Variants in GALNT16 observed in about 807,000 individuals in gnomAD.
The protein encoded by GALNT16 is UDP-GalNAc:polypeptide N-acetylgalactosaminyltransferase-like protein 1.
GALNT16 carries 40 observed loss-of-function variants against 76.1 expected under a neutral mutation model. That is an observed-to-expected ratio of 0.53 (90% confidence interval 0.41 to 0.68). The LOEUF is 0.68. Ranked by LOEUF, GALNT16 falls within the 30% of genes least tolerant of loss-of-function variation. The pLI is 0.00. For synonymous variants in GALNT16, 276 were observed against 285.2 expected, an observed-to-expected ratio of 0.97 and a Z score of 0.32; for missense variants, 621 against 731.9, an observed-to-expected ratio of 0.85 and a Z score of 1.75.
chr14:69,286,938 C>T (rs767873915), intron 1 of GALNT16, among the ~76,000 whole-genome samples: 1 of 152,186 alleles, frequency 6.6e-6, no homozygotes, highest in African/African-American at 2.4e-5. Flanking sequence ...GGCATCTCCA[C>T]ACAATTTGCC....
intron 2 of GALNT16, among the ~76,000 whole-genome samples, chr14:69,324,337 C>A (rs545993118): frequency 6.6e-6 from 1 of 152,076 alleles, no homozygotes; most frequent in African/African-American, 2.4e-5. Flanking sequence ...GCACATACCC[C>A]CCACCATACG....
chr14:69,335,971 G>A (rs537523698), intron 9 of GALNT16, among the ~76,000 whole-genome samples: 3 of 152,204 alleles, frequency 2.0e-5, no homozygotes, highest in Admixed American at 1.3e-4. Context: ...TCAAAACCTT[G>A]CAAGAGTTCT....
rs79506805 is a variant in GALNT16 at position 69,308,437 on chromosome 14, A to T, written c.178-12274A>T. Among the ~76,000 whole-genome samples, 32 of 152,298 alleles carry T rather than the reference A, an allele frequency of 2.1e-4. No homozygotes were observed. The East Asian group carries it at 5.8e-3, about 28-fold the overall frequency. Reference sequence around the variant, plus strand: ...GGTATACCTATGCATTTACACATGCATATGTTTATAAACTATTTATATAAA... The same window carrying T: ...GGTATACCTATGCATTTACACATGCTTATGTTTATAAACTATTTATATAAA... On this transcript the variant is annotated intron_variant, in intron 1 of 14. Coordinates refer to ENST00000448469, the MANE Select transcript of GALNT16 (RefSeq NM_001168368.2).
intron 1 of GALNT16, among the ~76,000 whole-genome samples, chr14:69,277,273 G>A (rs2044483824): frequency 6.6e-6 from 1 of 152,190 alleles, no homozygotes. Context: ...TGCACAACGT[G>A]CAGGCTCGTC....
chr14:69,340,092 G>A (rs777616533), intron 11 of GALNT16, among the ~76,000 whole-genome samples: 6 of 152,148 alleles, frequency 3.9e-5, no homozygotes, highest in African/African-American at 7.2e-5. Context: ...AGAGAGAGAA[G>A]TAGAACCCTA....
rs546536073 is a variant in GALNT16 at position 69,271,574 on chromosome 14, A to C, written c.177+11107A>C. Reference sequence around the variant, plus strand: ...GGGTCCAGACTGTGCTCACCAGTGCAGTGGTTGCCGGCCACAGGTGGCCAC... The same window carrying C: ...GGGTCCAGACTGTGCTCACCAGTGCCGTGGTTGCCGGCCACAGGTGGCCAC... On this transcript the variant is annotated intron_variant, in intron 1 of 14. Coordinates refer to ENST00000448469, the MANE Select transcript of GALNT16 (RefSeq NM_001168368.2). 2.6e-5 allele frequency among the ~76,000 whole-genome samples: 4 copies of C among 152,366 alleles called. No individual in the cohort carries two copies. The East Asian group carries it at 7.7e-4, about 29-fold the overall frequency.
At chr14:69,335,621 C>T (rs1041821667) in intron 9 of GALNT16, among the ~76,000 whole-genome samples, 7 of 152,144 alleles carry the variant, frequency 4.6e-5, no homozygotes, top group African/African-American at 9.7e-5. Flanking sequence ...GGTTGGAGAA[C>T]TTGAAAGGTG....
chr14:69,322,925 G>GGTGTGTGTGTGTGTGTGTGT, intron 2 of GALNT16, among the ~76,000 whole-genome samples: 1 of 103,856 alleles, frequency 9.6e-6, no homozygotes, highest in African/African-American at 3.9e-5. Flanking sequence ...TGGCTCACGG[G>GGTGTGTGTGTGTGTGTGTGT]GTGTGTGTGT....
At chr14:69,267,643 G>A (rs2044357591) in intron 1 of GALNT16, among the ~76,000 whole-genome samples, 1 of 152,156 alleles carries the variant, frequency 6.6e-6, no homozygotes, top group African/African-American at 2.4e-5. Context: ...GGCCCAGGAT[G>A]GAAACAGATG....
intron 1 of GALNT16, among the ~76,000 whole-genome samples, chr14:69,281,108 C>T (rs28439407): frequency 2.0e-5 from 3 of 151,734 alleles, no homozygotes; most frequent in Admixed American, 6.6e-5. Context: ...TCCTTGTATA[C>T]CCAGTGGACA....
intron 1 of GALNT16, among the ~76,000 whole-genome samples, chr14:69,314,547 G>T (rs1160334648): frequency 1.3e-5 from 2 of 152,238 alleles, no homozygotes; most frequent in African/African-American, 4.8e-5. Flanking sequence ...GCAGCACCTT[G>T]TCTGGTTGGA....
chr14:69,260,137 C>CA, upstream of GALNT16: 18 of 113,952 alleles, frequency 1.6e-4, no homozygotes, highest in South Asian at 1.2e-3. Context: ...CTCCCTATCA[C>CA]CCCCCCGCCC....
rs144349370 is a variant in GALNT16, at chr14:69,288,456, T to C, written c.177+27989T>C. The stretch of plus-strand genomic sequence containing the variant: ...GGGATGCTGCCAAACCTGACCCCCA[T>C]TGACACAGGAGGCCCATGTGAAACA... On this transcript the variant is annotated intron_variant, in intron 1 of 14. Transcript: ENST00000448469. Among the ~76,000 whole-genome samples, 242 of 152,300 alleles carry C rather than the reference T, an allele frequency of 1.6e-3. 1 individual carries two copies. The highest frequency in any genetic ancestry group is 5.4e-3 in the African/African-American group (225 of 41,578).
chr14:69,374,805 G>T, the GALNT16 span, among the ~76,000 whole-genome samples: 2 of 152,188 alleles, frequency 1.3e-5, no homozygotes, highest in Non-Finnish European at 2.9e-5. Flanking sequence ...CCAAGAGCAT[G>T]GCACTGGCAC....
At chr14:69,293,969 C>T (rs577846286) in intron 1 of GALNT16, among the ~76,000 whole-genome samples, 2 of 152,224 alleles carry the variant, frequency 1.3e-5, no homozygotes, top group African/African-American at 4.8e-5. Context: ...CGGCTCACTG[C>T]AACCTCTGCC....
chr14:69,370,238 T>C, the GALNT16 span, among the ~76,000 whole-genome samples: 1 of 152,224 alleles, frequency 6.6e-6, no homozygotes, highest in Admixed American at 6.5e-5. Flanking sequence ...CAGAGCTACC[T>C]CGGGCTTCCT....
At chr14:69,363,774 T>C in the GALNT16 span, among the ~76,000 whole-genome samples, 21,449 of 152,188 alleles carry the variant, frequency 0.14, 1,606 homozygotes, top group East Asian at 0.18. Flanking sequence ...CCCTGGTTCC[T>C]GGGCTCTAAA....
the GALNT16 span, among the ~76,000 whole-genome samples, chr14:69,382,551 G>C: frequency 6.6e-6 from 1 of 151,972 alleles, no homozygotes; most frequent in Non-Finnish European, 1.5e-5. Flanking sequence ...TCAAATAGTA[G>C]GCCAGGTGCC....
intron 13 of GALNT16, among the ~76,000 whole-genome samples, chr14:69,347,633 T>C (rs914247512): frequency 2.0e-5 from 3 of 152,214 alleles, no homozygotes; most frequent in Non-Finnish European, 4.4e-5. Context: ...GGCACAGCCC[T>C]GACTGCCCTC....
Sources: allele counts gnomAD v4.1 joint callset (sites outside exome capture counted in the v4.1 genomes callset), GRCh38; gene constraint gnomAD v4.1.1; transcripts MANE v1.5; gene names NCBI Gene and HGNC (gene_info 2026-07-23, HGNC 2026-07-21).